Variants in RBFOX1 observed in about 807,000 individuals in gnomAD.
The protein encoded by RBFOX1 is RNA binding fox-1 homolog 1, also known as RNA binding protein fox-1 homolog 1.
In RBFOX1, 8 loss-of-function variants were observed where a neutral mutation model predicts 57.7. The observed-to-expected ratio is 0.14, with a 90% CI of 0.08 to 0.25. The LOEUF is 0.25. Ranked by LOEUF, RBFOX1 falls within the 10% of genes least tolerant of loss-of-function variation. The pLI, the probability that RBFOX1 is intolerant of heterozygous loss-of-function variation, is 1.00. For missense variants in RBFOX1, 611 were observed against 548.5 expected, an observed-to-expected ratio of 1.11 and a Z score of -1.14; for synonymous variants, 326 against 222.4, an observed-to-expected ratio of 1.47 and a Z score of -4.15.
At position 5,291,615 on chromosome 16, in the gene RBFOX1, G is replaced by C. The variant is rs1256160344; in HGVS notation, c.219+51510G>C. Among the ~76,000 whole-genome samples the C allele has an allele frequency of 2.0e-5, 3 of 152,200 alleles. No individual in the cohort carries two copies. In the South Asian group the frequency reaches 6.2e-4, roughly 32 times the overall value. On this transcript the variant is annotated intron_variant, in intron 1 of 2. Transcript: ENST00000585867. ...GCAGTGGGAGTCATTGAAAGTGAGTGATCTGTTTGGATGCACCTTCTGAAG... is the reference window on the plus strand; with the variant it reads ...GCAGTGGGAGTCATTGAAAGTGAGTCATCTGTTTGGATGCACCTTCTGAAG...
chr16:7,345,353 A>G (rs1214361286), intron 4 of RBFOX1, among the ~76,000 whole-genome samples: 1 of 152,168 alleles, frequency 6.6e-6, no homozygotes, highest in Non-Finnish European at 1.5e-5. Context: ...AACATGTGAA[A>G]TTGACATGGA....
chr16:6,582,109 G>A (rs56210277), intron 2 of RBFOX1, among the ~76,000 whole-genome samples: 54,071 of 152,014 alleles, frequency 0.36, 11,172 homozygotes, highest in Middle Eastern at 0.5. Context: ...AATGGCAATA[G>A]CATTGAGGCT....
chr16:7,134,655 G>C (rs112543471), intron 4 of RBFOX1, among the ~76,000 whole-genome samples: 28 of 152,238 alleles, frequency 1.8e-4, no homozygotes, highest in African/African-American at 5.8e-4. Flanking sequence ...AAAGAATTCC[G>C]TCAGCTTTCA....
At chr16:7,026,156 G>C (rs930919816) in intron 3 of RBFOX1, among the ~76,000 whole-genome samples, 2 of 152,110 alleles carry the variant, frequency 1.3e-5, no homozygotes, top group African/African-American at 4.8e-5. Flanking sequence ...TCTGCGTGGG[G>C]TCTCCCTTAA....
At chr16:7,345,291 T>G (rs4257224) in intron 4 of RBFOX1, among the ~76,000 whole-genome samples, 22,664 of 152,054 alleles carry the variant, frequency 0.15, 2,214 homozygotes, top group African/African-American at 0.29. Context: ...TGCATTTGTT[T>G]TGGCGAGCAG....
At position 7,607,280 on chromosome 16, in the gene RBFOX1, T is replaced by C; in HGVS notation, c.623-5T>C. 1 of 1,608,136 alleles carries C rather than the reference T, an allele frequency of 6.2e-7. No homozygotes were observed. Among genetic ancestry groups the C allele is most frequent in the Non-Finnish European group, 8.5e-7 (1 of 1,178,232 alleles). On this transcript the variant is annotated splice_region_variant and splice_polypyrimidine_tract_variant and intron_variant, in intron 9 of 15. Coordinates refer to ENST00000550418, the MANE Select transcript of RBFOX1 (RefSeq NM_018723.4). ...ATAATAATGTTTTTGTGTATTTGTT[T>C]TAAGGCTGGAAATTGAATCCAGTTG...
At chr16:5,379,190 C>G (rs941182419) in intron 1 of RBFOX1, among the ~76,000 whole-genome samples, 4 of 151,640 alleles carry the variant, frequency 2.6e-5, no homozygotes, top group African/African-American at 9.8e-5. Context: ...AAGGCACTGA[C>G]GGGGACCACA....
intron 2 of RBFOX1, among the ~76,000 whole-genome samples, chr16:6,354,348 C>T (rs1400199890): frequency 2.6e-5 from 4 of 152,162 alleles, no homozygotes; most frequent in Non-Finnish European, 5.9e-5. Context: ...CAGCAGGACC[C>T]GCCTGCTCTC....
intron 3 of RBFOX1, among the ~76,000 whole-genome samples, chr16:5,717,902 C>G (rs1567442293): frequency 6.6e-6 from 1 of 152,196 alleles, no homozygotes. Context: ...TACTGAGCAT[C>G]TTTATTTGAG....
chr16:7,029,046 CTATATA>C (rs1225538161), intron 3 of RBFOX1, among the ~76,000 whole-genome samples: 41 of 45,216 alleles, frequency 9.1e-4, no homozygotes, highest in African/African-American at 2.9e-3. Flanking sequence ...AAAAAAAAAG[CTATATA>C]TATATATATA....
chr16:7,129,080 A>T (rs1190044900), intron 4 of RBFOX1, among the ~76,000 whole-genome samples: 1 of 151,994 alleles, frequency 6.6e-6, no homozygotes, highest in African/African-American at 2.4e-5. Context: ...CAGCCTCCCA[A>T]AGTGCTGGGA....
intron 3 of RBFOX1, among the ~76,000 whole-genome samples, chr16:5,636,331 A>G (rs1159969877): frequency 2.6e-5 from 4 of 152,192 alleles, no homozygotes; most frequent in Admixed American, 2.0e-4. Flanking sequence ...CTGGGCGACA[A>G]GAGTGAAACT....
intron 4 of RBFOX1, among the ~76,000 whole-genome samples, chr16:5,995,945 C>T (rs576556212): frequency 1.8e-4 from 27 of 152,220 alleles, no homozygotes; most frequent in African/African-American, 2.6e-4. Flanking sequence ...AAGATTGATT[C>T]GGTATGTGGT....
intron 3 of RBFOX1, among the ~76,000 whole-genome samples, chr16:5,614,581 C>T (rs895782618): frequency 2.0e-5 from 3 of 152,162 alleles, no homozygotes; most frequent in African/African-American, 7.2e-5. Flanking sequence ...TCTTTTAAGG[C>T]TCTTCAGAGG....
intron 3 of RBFOX1, among the ~76,000 whole-genome samples, chr16:6,719,227 C>G (rs531630081): frequency 6.6e-6 from 1 of 152,116 alleles, no homozygotes; most frequent in South Asian, 2.1e-4. Context: ...TACTTTCCTT[C>G]ATAGTATTCA....
chr16:6,327,867 G>C (rs535258437), intron 2 of RBFOX1, among the ~76,000 whole-genome samples: 1 of 152,216 alleles, frequency 6.6e-6, no homozygotes, highest in South Asian at 2.1e-4. Context: ...CAATCCCGTG[G>C]GTTACTGTTC....
chr16:6,656,922 C>A (rs1269104124), intron 3 of RBFOX1, among the ~76,000 whole-genome samples: 58 of 130,368 alleles, frequency 4.4e-4, no homozygotes, highest in East Asian at 1.5e-3. Context: ...CCTCCCCTCT[C>A]CTCTCCTCCC....
intron 5 of RBFOX1, among the ~76,000 whole-genome samples, chr16:7,576,297 T>C (rs930110694): frequency 1.6e-4 from 24 of 152,212 alleles, no homozygotes; most frequent in African/African-American, 5.8e-4. Context: ...TGCCTAAGAT[T>C]AGCAAATAAC....
chr16:6,927,211 A>T (rs1597435345), intron 3 of RBFOX1, among the ~76,000 whole-genome samples: 1 of 151,514 alleles, frequency 6.6e-6, no homozygotes, highest in South Asian at 2.1e-4. Context: ...TTTTAACGAA[A>T]CCCTAGGTCC....
Sources: allele counts gnomAD v4.1 joint callset (sites outside exome capture counted in the v4.1 genomes callset), GRCh38; gene constraint gnomAD v4.1.1; transcripts MANE v1.5; gene names NCBI Gene and HGNC (gene_info 2026-07-23, HGNC 2026-07-21).